OPHN1: variants seen among roughly 807,000 people sequenced by gnomAD.
OPHN1 encodes oligophrenin-1.
In OPHN1, 11 loss-of-function variants were observed where a neutral mutation model predicts 60.7. That is an observed-to-expected ratio of 0.18 (90% CI 0.11 to 0.30). The LOEUF (loss-of-function observed/expected upper bound fraction) is 0.30. OPHN1 is among the 10% of genes least tolerant of loss of function. The pLI, the probability that OPHN1 is intolerant of heterozygous loss-of-function variation, is 1.00. For synonymous variants in OPHN1, 226 were observed against 222.6 expected (o/e 1.02, Z -0.14); for missense variants, 449 against 611.0 (o/e 0.73, Z 2.80).
intron 2 of OPHN1, among the ~76,000 whole-genome samples, chrX:68,394,605 G>A (rs183500370): frequency 4.4e-4 from 49 of 111,815 alleles, no homozygotes; most frequent in African/African-American, 1.5e-3. Context: ...ATGTTACTAT[G>A]TAATATTTTT....
At chrX:68,140,606 C>T (rs1045351964) in intron 15 of OPHN1, among the ~76,000 whole-genome samples, 2 of 109,672 alleles carry the variant, frequency 1.8e-5, no homozygotes, top group South Asian at 8.1e-4. Context: ...AAACAGCTGA[C>T]CCCTGAAGGG....
At position 68,287,192 on chromosome X, in the gene OPHN1, G is replaced by GAAAGAAAGAAAGAAA. The variant is rs1569269528; in HGVS notation, c.251-4076_251-4075insTTTCTTTCTTTCTTT. Among the ~76,000 whole-genome samples the GAAAGAAAGAAAGAAA allele has an allele frequency of 2.2e-4, 13 of 59,155 alleles. No individual in the cohort carries two copies. The African/African-American group carries it at 2.9e-3, about 13-fold the overall frequency. 51.4% of individuals were successfully genotyped at this position (59,155 alleles called of 115,157 possible). ...AAGAAAGAAAGAAAGAAAGAAAAGG[G>GAAAGAAAGAAAGAAA]AGGGAGGGAGGAGAAGGGGAAGGGA... On this transcript the variant is annotated intron_variant, in intron 3 of 24. Transcript: ENST00000355520.
chrX:68,367,343 G>C (rs947874572), intron 2 of OPHN1, among the ~76,000 whole-genome samples: 4 of 95,298 alleles, frequency 4.2e-5, no homozygotes. Context: ...AACAGAGCAA[G>C]ACTCTGTCTC....
intron 2 of OPHN1, among the ~76,000 whole-genome samples, chrX:68,346,818 C>G (rs891481937): frequency 4.5e-5 from 5 of 111,893 alleles, no homozygotes; most frequent in Admixed American, 9.6e-5. Flanking sequence ...GGGGAACCCA[C>G]AGCCCCCAAA....
rs748364800 is a variant in OPHN1 at position 68,133,739 on chromosome X, A to G, written c.1277-14407T>C. Among the ~76,000 whole-genome samples, 3 of 112,057 alleles carry G rather than the reference A, an allele frequency of 2.7e-5. No individual in the cohort carries two copies. The South Asian group carries it at 1.1e-3, about 42-fold the overall frequency. On this transcript the variant is annotated intron_variant, in intron 15 of 24. Transcript: ENST00000355520. ...ATATGCCTTCAGTGGCACTCAACAAATGGAGCTTCCCCAAGCACAGTTCTG... is the reference window on the plus strand; with the variant it reads ...ATATGCCTTCAGTGGCACTCAACAAGTGGAGCTTCCCCAAGCACAGTTCTG...
rs768810865 is a variant in OPHN1 at position 68,051,930 on chromosome X, G to T, written c.2375+610C>A. 3.6e-5 allele frequency among the ~76,000 whole-genome samples: 4 copies of T among 111,909 alleles called. No individual in the cohort carries two copies. In the South Asian group the frequency reaches 1.1e-3, roughly 31 times the overall value. ...ATAGAGTGACATGAACAGAGAAACA[G>T]ACAGATAAAGACAACTATGGGGACA... On this transcript the variant is annotated intron_variant, in intron 23 of 24. Coordinates refer to ENST00000355520, the MANE Select transcript of OPHN1 (RefSeq NM_002547.3).
chrX:68,365,415 A>C (rs2078493216), intron 2 of OPHN1, among the ~76,000 whole-genome samples: 1 of 111,638 alleles, frequency 9.0e-6, no homozygotes, highest in South Asian at 3.8e-4. Flanking sequence ...GGCATGTTTA[A>C]CATAAGGCAG....
intron 15 of OPHN1, among the ~76,000 whole-genome samples, chrX:68,137,768 T>A (rs1303079631): frequency 8.9e-6 from 1 of 111,745 alleles, no homozygotes; most frequent in Admixed American, 9.5e-5. Context: ...AGAAGTTATA[T>A]TGACTTATTA....
At chrX:68,145,627 TC>T (rs775133917) in intron 15 of OPHN1, among the ~76,000 whole-genome samples, 18 of 111,980 alleles carry the variant, frequency 1.6e-4, no homozygotes, top group Non-Finnish European at 1.9e-4. Flanking sequence ...AATACTGTAA[TC>T]AATTCCTCTC....
intron 5 of OPHN1, among the ~76,000 whole-genome samples, chrX:68,265,031 G>A (rs977976565): frequency 1.5e-4 from 17 of 112,517 alleles, no homozygotes; most frequent in African/African-American, 3.2e-5. Flanking sequence ...AAGCAGCCGG[G>A]AAGCTCAAAC....
intron 23 of OPHN1, among the ~76,000 whole-genome samples, 195 bp from the exon 24 acceptor site, chrX:68,048,652 G>T (rs967763612): frequency 8.9e-6 from 1 of 112,178 alleles, no homozygotes; most frequent in Non-Finnish European, 1.9e-5. Flanking sequence ...GGCTTAAAGA[G>T]ATGTGAAGAC....
intron 2 of OPHN1, among the ~76,000 whole-genome samples, chrX:68,422,779 AAG>A (rs1160830744): frequency 4.9e-5 from 4 of 81,325 alleles, no homozygotes; most frequent in African/African-American, 1.3e-4. Flanking sequence ...GGAAGAAAGA[AAG>A]AGAGAGAGGG....
intron 5 of OPHN1, among the ~76,000 whole-genome samples, chrX:68,250,901 C>T (rs1289349541): frequency 9.0e-6 from 1 of 111,329 alleles, no homozygotes; most frequent in Non-Finnish European, 1.9e-5. Flanking sequence ...CATCACATAG[C>T]AACAGATGCC....
intron 15 of OPHN1, among the ~76,000 whole-genome samples, chrX:68,166,673 C>T (rs1277621630): frequency 8.9e-6 from 1 of 111,846 alleles, no homozygotes; most frequent in African/African-American, 3.2e-5. Flanking sequence ...TAGCAAGGTG[C>T]TGGTGTAAAA....
chrX:68,199,021 T>C (rs760471546), intron 11 of OPHN1, among the ~76,000 whole-genome samples: 13 of 112,305 alleles, frequency 1.2e-4, no homozygotes, highest in Non-Finnish European at 2.3e-4. Context: ...ACCTCCCTCA[T>C]GTGACTGTGG....
chrX:68,228,418 A>G (rs1351627305), intron 6 of OPHN1, among the ~76,000 whole-genome samples: 1 of 110,563 alleles, frequency 9.0e-6, no homozygotes, highest in East Asian at 2.8e-4. Context: ...TGAAGCCAGC[A>G]TCATCCTGAT....
intron 2 of OPHN1, among the ~76,000 whole-genome samples, chrX:68,358,228 C>T (rs1184932360): frequency 5.4e-5 from 6 of 110,160 alleles, no homozygotes; most frequent in Non-Finnish European, 1.1e-4. Flanking sequence ...GGCTGAGGCA[C>T]GAGAATCGCT....
At chrX:68,210,424 T>C in intron 8 of OPHN1, 142 bp from the exon 9 acceptor site, 2 of 591,997 alleles carry the variant, frequency 3.4e-6, no homozygotes, top group Non-Finnish European at 2.6e-6. Context: ...GTGAATGGCA[T>C]AGTGAATGGA....
rs1215164671 is a variant in OPHN1, at chrX:68,213,213, T to C, written c.597+649A>G. Among the ~76,000 whole-genome samples the C allele has an allele frequency of 1.4e-4, 16 of 110,869 alleles. No individual in the cohort carries two copies. In the Admixed American group the frequency reaches 1.5e-3, roughly 11 times the overall value. Reference sequence around the variant, plus strand: ...GTGAAACCTTATCTCTACAAAAACATACAAAATATTAGCTCGGTATGGAGG... The same window carrying C: ...GTGAAACCTTATCTCTACAAAAACACACAAAATATTAGCTCGGTATGGAGG... On this transcript the variant is annotated intron_variant, in intron 7 of 24. Transcript: ENST00000355520.
Sources: gnomAD v4.1 joint callset for allele counts (sites outside exome capture counted in the v4.1 genomes callset) on GRCh38, gnomAD v4.1.1 for gene constraint, MANE v1.5 for transcripts, NCBI Gene and HGNC (gene_info 2026-07-23, HGNC 2026-07-21) for gene names.